NDUFS4: variants seen among roughly 807,000 people sequenced by gnomAD.
NDUFS4 encodes NADH dehydrogenase [ubiquinone] iron-sulfur protein 4, mitochondrial.
In NDUFS4, 28 loss-of-function variants were observed where a neutral mutation model predicts 24.3. That is an observed-to-expected ratio of 1.15 (90% confidence interval 0.85 to 1.58). NDUFS4 has a LOEUF of 1.58. Ranked by LOEUF, NDUFS4 falls within the 40% of genes most tolerant of loss-of-function variation. NDUFS4 has a pLI of 0.00. For missense variants in NDUFS4, 223 were observed against 207.9 expected (o/e 1.07, Z -0.45); for synonymous variants, 93 against 69.7 (o/e 1.34, Z -1.67).
intron 3 of NDUFS4, among the ~76,000 whole-genome samples, chr5:53,647,633 G>A (rs1157239636): frequency 1.3e-5 from 2 of 152,168 alleles, no homozygotes; most frequent in African/African-American, 2.4e-5. Context: ...GCTGATTCTA[G>A]TTAAATTTAA....
chr5:53,650,230 A>G (rs999176311), intron 3 of NDUFS4, among the ~76,000 whole-genome samples: 1 of 152,212 alleles, frequency 6.6e-6, no homozygotes, highest in African/African-American at 2.4e-5. Flanking sequence ...TAAATTGTTG[A>G]TGAGTAAAAT....
chr5:53,617,413 A>ATTCCCT (rs1750874740), intron 2 of NDUFS4, among the ~76,000 whole-genome samples: 1 of 151,688 alleles, frequency 6.6e-6, no homozygotes, highest in Non-Finnish European at 1.5e-5. Context: ...TGTTTTCCTG[A>ATTCCCT]TACCACCTTA....
intron 1 of NDUFS4, among the ~76,000 whole-genome samples, chr5:53,578,120 C>T (rs1026797421): frequency 2.0e-5 from 3 of 152,142 alleles, no homozygotes; most frequent in Admixed American, 6.6e-5. Flanking sequence ...GTTCATAGTT[C>T]GTACTAGAAT....
chr5:53,655,294 G>A (rs1304775405), intron 3 of NDUFS4, among the ~76,000 whole-genome samples: 1 of 151,552 alleles, frequency 6.6e-6, no homozygotes, highest in Non-Finnish European at 1.5e-5. Context: ...TTCATCCCAT[G>A]CTTTTTTCAG....
intron 3 of NDUFS4, among the ~76,000 whole-genome samples, chr5:53,654,565 A>G (rs868011608): frequency 7.2e-5 from 11 of 152,074 alleles, no homozygotes; most frequent in South Asian, 2.1e-4. Context: ...TATATCTCCT[A>G]TTTGCAGAAA....
chr5:53,627,475 A>G (rs571552303), intron 2 of NDUFS4, among the ~76,000 whole-genome samples: 90 of 152,182 alleles, frequency 5.9e-4, no homozygotes, highest in African/African-American at 2.1e-3. Flanking sequence ...TTTGGGCAGT[A>G]TGTTTATTTT....
intron 1 of NDUFS4, among the ~76,000 whole-genome samples, chr5:53,578,478 C>T (rs530636773): frequency 6.6e-6 from 1 of 152,270 alleles, no homozygotes; most frequent in South Asian, 2.1e-4. Flanking sequence ...TTGAGCTACT[C>T]TATTGGACCC....
At chr5:53,573,214 G>A (rs534013176) in intron 1 of NDUFS4, among the ~76,000 whole-genome samples, 40 of 151,996 alleles carry the variant, frequency 2.6e-4, no homozygotes, top group African/African-American at 8.9e-4. Flanking sequence ...GGTTCAAGCA[G>A]TCCTCCTGCC....
intron 4 of NDUFS4, among the ~76,000 whole-genome samples, chr5:53,667,815 C>T (rs1337886515): frequency 6.6e-6 from 1 of 152,220 alleles, no homozygotes; most frequent in East Asian, 1.9e-4. Context: ...TGCTTCACTA[C>T]ACTTAGCCTT....
chr5:53,632,040 C>G (rs1751425897), intron 2 of NDUFS4, among the ~76,000 whole-genome samples: 1 of 152,180 alleles, frequency 6.6e-6, no homozygotes, highest in Non-Finnish European at 1.5e-5. Context: ...TGGTCTGCAC[C>G]CACTGTCCAG....
intron 4 of NDUFS4, among the ~76,000 whole-genome samples, chr5:53,660,348 C>T (rs1048978429): frequency 6.6e-6 from 1 of 152,034 alleles, no homozygotes; most frequent in East Asian, 1.9e-4. Flanking sequence ...TTTATGGCTG[C>T]ATAGTATTCC....
chr5:53,675,410 C>T lies in NDUFS4; in HGVS notation c.425-7708C>T, dbSNP rs554802728. On this transcript the variant is annotated intron_variant, in intron 4 of 4. Coordinates refer to ENST00000296684, the MANE Select transcript of NDUFS4 (RefSeq NM_002495.4). ...ATTTCCTGACCTCGTGATCCGCCCG[C>T]CTTGGCCTCCCAAAGTGCTGGGATT... Among the ~76,000 whole-genome samples the T allele has an allele frequency of 4.8e-3, 731 of 152,216 alleles. 5 individuals are homozygous for T. Among genetic ancestry groups the T allele is most frequent in the African/African-American group, 0.017 (702 of 41,524 alleles).
chr5:53,665,419 C>G (rs968545171), intron 4 of NDUFS4, among the ~76,000 whole-genome samples: 9 of 152,226 alleles, frequency 5.9e-5, no homozygotes, highest in African/African-American at 2.2e-4. Flanking sequence ...GCCCTACCCC[C>G]AGAGGTGGAG....
At chr5:53,574,743 C>T (rs912463407) in intron 1 of NDUFS4, among the ~76,000 whole-genome samples, 4 of 151,902 alleles carry the variant, frequency 2.6e-5, no homozygotes, top group African/African-American at 9.7e-5. Flanking sequence ...GTTTAATTTC[C>T]ATGTATTTGG....
At chr5:53,654,791 T>A (rs1214951953) in intron 3 of NDUFS4, among the ~76,000 whole-genome samples, 1 of 152,210 alleles carries the variant, frequency 6.6e-6, no homozygotes, top group African/African-American at 2.4e-5. Context: ...CATGAATAGT[T>A]CTCTTAGGTA....
intron 2 of NDUFS4, among the ~76,000 whole-genome samples, chr5:53,628,823 G>A (rs1241308449): frequency 6.6e-6 from 1 of 152,038 alleles, no homozygotes; most frequent in African/African-American, 2.4e-5. Flanking sequence ...TAAAAAACCA[G>A]CTTCTGGATT....
intron 1 of NDUFS4, among the ~76,000 whole-genome samples, chr5:53,598,011 G>T (rs371966274): frequency 1.3e-5 from 2 of 152,124 alleles, no homozygotes; most frequent in East Asian, 3.9e-4. Flanking sequence ...TATGTTCAAC[G>T]TCATATGTCA....
chr5:53,614,751 C>CT (rs1355576053), intron 2 of NDUFS4, among the ~76,000 whole-genome samples: 1 of 151,858 alleles, frequency 6.6e-6, no homozygotes, highest in Non-Finnish European at 1.5e-5. Flanking sequence ...GCTTTACTAC[C>CT]TGCTGTGTAT....
At chr5:53,652,384 A>G (rs1752045592) in intron 3 of NDUFS4, among the ~76,000 whole-genome samples, 1 of 152,160 alleles carries the variant, frequency 6.6e-6, no homozygotes, top group Non-Finnish European at 1.5e-5. Context: ...TTAATTTTAC[A>G]GTAATTTTAC....
Sources: gnomAD v4.1 joint callset for allele counts (sites outside exome capture counted in the v4.1 genomes callset) on GRCh38, gnomAD v4.1.1 for gene constraint, MANE v1.5 for transcripts, NCBI Gene and HGNC (gene_info 2026-07-23, HGNC 2026-07-21) for gene names.